The following ZZZ3 variants were observed in gnomAD, a reference collection of about 807,000 sequenced individuals.
ZZZ3 encodes the protein ZZ-type zinc finger-containing protein 3.
Under a neutral mutation model 95.2 loss-of-function variants are expected in ZZZ3, and 22 were observed. The ratio of observed to expected loss-of-function variants is 0.23; its 90% confidence interval spans 0.17 to 0.33. ZZZ3 has a LOEUF of 0.33. Ranked by LOEUF, ZZZ3 falls within the 10% of genes least tolerant of loss-of-function variation. The probability of loss-of-function intolerance (pLI) is 1.00; values close to 1 mark genes in which losing one functional copy is unlikely to be tolerated. For missense variants in ZZZ3, 885 were observed against 1,066.5 expected, an observed-to-expected ratio of 0.83 and a Z score of 2.37; for synonymous variants, 335 against 358.9, an observed-to-expected ratio of 0.93 and a Z score of 0.75.
chr1:77,669,460 T>TA (rs1553182961), intron 1 of ZZZ3, among the ~76,000 whole-genome samples: 1 of 150,070 alleles, frequency 6.7e-6, no homozygotes, highest in Non-Finnish European at 1.5e-5. Context: ...CTCAGTTTTT[T>TA]TTTTTTTTTT....
rs1350404963 is a variant in ZZZ3 at position 77,568,391 on chromosome 1, T to G, written c.2407A>C (p.Lys803Gln). 9.4e-6 allele frequency: 15 copies of G among 1,597,474 alleles called. No individual in the cohort carries two copies. The highest frequency in any genetic ancestry group is 1.3e-5 in the Non-Finnish European group (15 of 1,171,676). Residue 803 changes from lysine to glutamine, a missense_variant, in exon 13 of 15, where the codon AAG (lysine) becomes CAG (glutamine). By Grantham distance (53) the Lys-to-Gln change is moderately conservative. Coordinates refer to ENST00000370801, the MANE Select transcript of ZZZ3 (RefSeq NM_015534.6). ...GCTTGCATTTGCTGAAGTTTCTGCT[T>G]CTTTAACTTTTTAAACTGTAATAGT... is the stretch of plus-strand genomic sequence containing the variant. ...KELLQFKKLKKQKLQQMQAES... is the reference protein window; with the variant it reads ...KELLQFKKLKQQKLQQMQAES...
chr1:77,613,456 G>A (rs1469386412), intron 5 of ZZZ3, among the ~76,000 whole-genome samples: 1 of 144,670 alleles, frequency 6.9e-6, no homozygotes, highest in Non-Finnish European at 1.5e-5. Flanking sequence ...GCTATTCCAC[G>A]CCTTTAAAAA....
At chr1:77,617,958 A>G (rs1341659347) in intron 5 of ZZZ3, among the ~76,000 whole-genome samples, 2 of 152,034 alleles carry the variant, frequency 1.3e-5, no homozygotes, top group Non-Finnish European at 2.9e-5. Context: ...AAATAAATAA[A>G]TAAATGTGGA....
rs1249266001 is a variant in ZZZ3, at chr1:77,571,174, T to C, written c.2332-2708A>G. ...CAAATGCAAAGAGTGTAAACACTTTTAAATTTTTAGATTTGCATTTAAATG... is the reference window on the plus strand; with the variant it reads ...CAAATGCAAAGAGTGTAAACACTTTCAAATTTTTAGATTTGCATTTAAATG... On this transcript the variant is annotated intron_variant, in intron 12 of 14. Transcript: ENST00000370801. 2.0e-5 allele frequency among the ~76,000 whole-genome samples: 3 copies of C among 152,266 alleles called. No individual in the cohort carries two copies. The East Asian group carries it at 5.8e-4, about 29-fold the overall frequency.
chr1:77,645,314 C>CA (rs1448519922), intron 1 of ZZZ3: 1 of 152,160 alleles, frequency 6.6e-6, no homozygotes, highest in Non-Finnish European at 1.5e-5. Context: ...GTTTAAAATA[C>CA]AAATTTCTAG....
intron 5 of ZZZ3, among the ~76,000 whole-genome samples, chr1:77,613,470 A>G (rs946163462): frequency 1.3e-5 from 2 of 151,994 alleles, no homozygotes; most frequent in African/African-American, 4.8e-5. Context: ...TTAAAAAAAA[A>G]AAAAAGCATC....
upstream of ZZZ3, among the ~76,000 whole-genome samples, chr1:77,683,040 C>T (rs1218485036): frequency 1.4e-5 from 2 of 146,098 alleles, no homozygotes; most frequent in South Asian, 2.2e-4. Context: ...CCCCGCCCCC[C>T]CTTTCGCCCG....
rs552089251 is a variant in ZZZ3, at chr1:77,588,405, C to A, written c.1506-3750G>T. Reference sequence around the variant, plus strand: ...AGAATATTTAGTCAAGAAATGAAAACCTCCACTAGAATACCACTTCCATTT... The same window carrying A: ...AGAATATTTAGTCAAGAAATGAAAAACTCCACTAGAATACCACTTCCATTT... On this transcript the variant is annotated intron_variant, in intron 5 of 14. Transcript: ENST00000370801. Among the ~76,000 whole-genome samples, 6 of 152,032 alleles carry A rather than the reference C, an allele frequency of 3.9e-5. No individual in the cohort carries two copies. The South Asian group carries it at 1.3e-3, about 32-fold the overall frequency.
At chr1:77,648,847 T>C (rs1213018790) in intron 1 of ZZZ3, among the ~76,000 whole-genome samples, 1 of 152,118 alleles carries the variant, frequency 6.6e-6, no homozygotes, top group African/African-American at 2.4e-5. Flanking sequence ...AGAAGCTCAA[T>C]AAGCTAGGCA....
intron 1 of ZZZ3, among the ~76,000 whole-genome samples, chr1:77,666,541 T>G (rs1270607708): frequency 6.6e-6 from 1 of 152,082 alleles, no homozygotes; most frequent in Non-Finnish European, 1.5e-5. Flanking sequence ...TCTCAAAGAA[T>G]AATAATAATA....
At chr1:77,586,358 G>A (rs1293435062) in intron 5 of ZZZ3, among the ~76,000 whole-genome samples, 1 of 152,166 alleles carries the variant, frequency 6.6e-6, no homozygotes, top group Non-Finnish European at 1.5e-5. Flanking sequence ...AAAAACAACT[G>A]TGAATCTATT....
chr1:77,679,663 A>G (rs1016963135), intron 1 of ZZZ3, among the ~76,000 whole-genome samples: 1 of 152,188 alleles, frequency 6.6e-6, no homozygotes, highest in African/African-American at 2.4e-5. Context: ...GTGAGAATAA[A>G]TCAGTATTAT....
chr1:77,681,357 AC>A (rs1217626331), intron 1 of ZZZ3, among the ~76,000 whole-genome samples: 3 of 152,178 alleles, frequency 2.0e-5, no homozygotes, highest in African/African-American at 7.2e-5. Flanking sequence ...GAATAAATTA[AC>A]TAGTCACCTG....
chr1:77,579,058 T>C (rs1662247994), intron 10 of ZZZ3, among the ~76,000 whole-genome samples, 189 bp from the exon 11 acceptor site: 1 of 152,224 alleles, frequency 6.6e-6, no homozygotes, highest in Non-Finnish European at 1.5e-5. Flanking sequence ...ACAAAAATTA[T>C]TCAAGTAAAT....
intron 1 of ZZZ3, among the ~76,000 whole-genome samples, chr1:77,668,742 AC>A (rs1159308913): frequency 3.3e-5 from 5 of 151,878 alleles, no homozygotes; most frequent in African/African-American, 1.2e-4. Flanking sequence ...TCTTTTTACC[AC>A]ACCACAAAAA....
chr1:77,569,575 T>A (rs1453236763), intron 12 of ZZZ3, among the ~76,000 whole-genome samples: 2 of 152,222 alleles, frequency 1.3e-5, no homozygotes, highest in Non-Finnish European at 2.9e-5. Context: ...TTATCACAGA[T>A]GCCCAACTCG....
chr1:77,571,202 A>G (rs1348806839), intron 12 of ZZZ3, among the ~76,000 whole-genome samples: 1 of 152,202 alleles, frequency 6.6e-6, no homozygotes, highest in East Asian at 1.9e-4. Flanking sequence ...TTTAAATGCT[A>G]AGGATATTAT....
intron 5 of ZZZ3, among the ~76,000 whole-genome samples, chr1:77,605,309 C>T (rs1048295580): frequency 6.6e-6 from 1 of 152,210 alleles, no homozygotes; most frequent in African/African-American, 2.4e-5. Context: ...AGGCAGCTAA[C>T]GCCCGCTCAC....
intron 5 of ZZZ3, 113 bp from the exon 6 acceptor site, chr1:77,584,768 TGAAA>T (rs758590065): frequency 4.5e-4 from 340 of 748,464 alleles, no homozygotes; most frequent in Admixed American, 7.3e-4. Flanking sequence ...AAGAGTTACC[TGAAA>T]GAGTTTAGTA....
Sources: gnomAD v4.1 joint callset for allele counts (sites outside exome capture counted in the v4.1 genomes callset) on GRCh38, gnomAD v4.1.1 for gene constraint, MANE v1.5 for transcripts, NCBI Gene and HGNC (gene_info 2026-07-23, HGNC 2026-07-21) for gene names.